The following SEMA6A variants were observed in gnomAD, a reference collection of about 807,000 sequenced individuals.
The protein encoded by SEMA6A is semaphorin-6A.
In SEMA6A, 25 loss-of-function variants were observed where a neutral mutation model predicts 96.8. The observed-to-expected ratio is 0.26, with a 90% CI of 0.19 to 0.36. The LOEUF is 0.36. Ranked by LOEUF, SEMA6A falls within the 10% of genes least tolerant of loss-of-function variation. SEMA6A has a pLI of 1.00. For synonymous variants in SEMA6A, 612 were observed against 518.0 expected, an observed-to-expected ratio of 1.18 and a Z score of -2.46; for missense variants, 1,363 against 1,323.1, an observed-to-expected ratio of 1.03 and a Z score of -0.47.
intron 11 of SEMA6A, 88 bp downstream of exon 11, chr5:116,482,356 G>T: frequency 7.1e-7 from 1 of 1,401,588 alleles, no homozygotes; most frequent in Non-Finnish European, 9.8e-7. Context: ...GAAGGCACTG[G>T]TGCGCAGTTC....
intron 1 of SEMA6A, among the ~76,000 whole-genome samples, chr5:116,525,275 T>C (rs1388311695): frequency 6.6e-6 from 1 of 152,138 alleles, no homozygotes; most frequent in Non-Finnish European, 1.5e-5. Context: ...TGAGTGGCCT[T>C]GGGTTATTTA....
Position 116,467,578 on chromosome 5 carries a change from C to T in SEMA6A, c.1894+5G>A, listed in dbSNP as rs1225350784. The T allele has an allele frequency of 1.9e-6, 3 of 1,611,784 alleles. No individual in the cohort carries two copies. In the African/African-American group the frequency reaches 4.0e-5, roughly 22 times the overall value. On this transcript the variant is annotated splice_donor_5th_base_variant and intron_variant, in intron 18 of 18. Transcript: ENST00000343348. The stretch of plus-strand genomic sequence containing the variant: ...CGAGAGGAAGAGGCATTTCCAAGGC[C>T]TTACCCTTCTTGTCTTGGTGATTAT...
At chr5:116,517,080 C>CAA (rs902917017) in intron 1 of SEMA6A, among the ~76,000 whole-genome samples, 1 of 152,106 alleles carries the variant, frequency 6.6e-6, no homozygotes, top group African/African-American at 2.4e-5. Flanking sequence ...ACAAACAAAA[C>CAA]AAAAACAAAC....
intron 1 of SEMA6A, among the ~76,000 whole-genome samples, chr5:116,524,306 T>C (rs1017051058): frequency 2.0e-5 from 3 of 152,166 alleles, no homozygotes; most frequent in Admixed American, 2.0e-4. Flanking sequence ...CTGGGAAATA[T>C]AAATTTTGAT....
At chr5:116,484,544 G>A (rs1380689070) in intron 10 of SEMA6A, among the ~76,000 whole-genome samples, 1 of 152,180 alleles carries the variant, frequency 6.6e-6, no homozygotes, top group South Asian at 2.1e-4. Context: ...AGAATTGCTT[G>A]AACAAGGAGG....
chr5:116,523,582 G>A (rs1759068855), intron 1 of SEMA6A, among the ~76,000 whole-genome samples: 1 of 152,066 alleles, frequency 6.6e-6, no homozygotes, highest in Admixed American at 6.5e-5. Context: ...AAAGTGTTGG[G>A]ATTACATGCA....
chr5:116,495,061 T>C (rs1228603672), intron 6 of SEMA6A, among the ~76,000 whole-genome samples: 1 of 152,072 alleles, frequency 6.6e-6, no homozygotes, highest in Non-Finnish European at 1.5e-5. Flanking sequence ...ACCATATAAG[T>C]GTGCTTTTGT....
chr5:116,566,848 A>T (rs1172342711), intron 1 of SEMA6A, among the ~76,000 whole-genome samples: 1 of 152,154 alleles, frequency 6.6e-6, no homozygotes, highest in Non-Finnish European at 1.5e-5. Flanking sequence ...AATTGATTTC[A>T]AGCTTGGCCA....
chr5:116,539,590 CGTGTGTGTGTGT>C (rs138539399), intron 1 of SEMA6A, among the ~76,000 whole-genome samples: 3 of 144,948 alleles, frequency 2.1e-5, no homozygotes, highest in African/African-American at 5.1e-5. Context: ...TAATTCTGTG[CGTGTGTGTGTGT>C]GTGTGTGTGT....
At chr5:116,565,075 C>T (rs1216579765) in intron 1 of SEMA6A, among the ~76,000 whole-genome samples, 7 of 152,312 alleles carry the variant, frequency 4.6e-5, no homozygotes, top group East Asian at 3.9e-4. Context: ...GAAGAGTTTG[C>T]GTCCCTTTGC....
chr5:116,452,362 A>C (rs2112590856), intron 18 of SEMA6A, among the ~76,000 whole-genome samples: 1 of 152,136 alleles, frequency 6.6e-6, no homozygotes, highest in African/African-American at 2.4e-5. Flanking sequence ...CCTGGCTTAG[A>C]GATTTCTCTG....
In SEMA6A at chr5:116,539,590, CGTGT is replaced by C. The variant is rs138539399; in HGVS notation, c.-39+34591_-39+34594del. Among the ~76,000 whole-genome samples, 181 of 144,922 alleles carry C rather than the reference CGTGT, an allele frequency of 1.2e-3. 1 individual carries two copies. Among genetic ancestry groups the C allele is most frequent in the East Asian group, 3.2e-3 (16 of 4,944 alleles). ...TGCAATACATTTTAATAATTCTGTG[CGTGT>C]GTGTGTGTGTGTGTGTGTGTGTGTA... is the stretch of plus-strand genomic sequence containing the variant. On this transcript the variant is annotated intron_variant, in intron 1 of 18. Coordinates refer to ENST00000343348, the MANE Select transcript of SEMA6A (RefSeq NM_020796.5).
intron 9 of SEMA6A, 127 bp from the exon 10 acceptor site, chr5:116,487,093 AAC>A: frequency 3.2e-6 from 2 of 626,506 alleles, no homozygotes; most frequent in Admixed American, 3.1e-5. Context: ...TAAAATCAGT[AAC>A]AAAAAAAAAA....
intron 1 of SEMA6A, chr5:116,508,033 T>C (rs1484596181): frequency 6.6e-6 from 1 of 152,084 alleles, no homozygotes; most frequent in Non-Finnish European, 1.5e-5. Flanking sequence ...TCACAATAAT[T>C]TTTCCCTACA....
chr5:116,524,789 G>GACACACACAGAC (rs1554090343), intron 1 of SEMA6A, among the ~76,000 whole-genome samples: 2 of 130,594 alleles, frequency 1.5e-5, no homozygotes, highest in African/African-American at 6.8e-5. Flanking sequence ...CACACACACA[G>GACACACACAGAC]ACACACACAC....
chr5:116,473,802 G>C (rs1756297533), intron 16 of SEMA6A, among the ~76,000 whole-genome samples: 1 of 152,180 alleles, frequency 6.6e-6, no homozygotes, highest in Admixed American at 6.5e-5. Flanking sequence ...TCATGCTTCA[G>C]CAGGAACACG....
chr5:116,480,588 T>C (rs1200691956), intron 11 of SEMA6A, among the ~76,000 whole-genome samples: 1 of 152,098 alleles, frequency 6.6e-6, no homozygotes, highest in African/African-American at 2.4e-5. Context: ...TGAGTGTGGT[T>C]TGCACATATC....
chr5:116,503,388 A>C (rs1291846416), intron 2 of SEMA6A, among the ~76,000 whole-genome samples: 1 of 152,136 alleles, frequency 6.6e-6, no homozygotes, highest in African/African-American at 2.4e-5. Context: ...TTTCCCTTCC[A>C]CTGCTTTGAA....
At chr5:116,463,035 A>G (rs1246799013) in intron 18 of SEMA6A, among the ~76,000 whole-genome samples, 1 of 152,248 alleles carries the variant, frequency 6.6e-6, no homozygotes, top group Non-Finnish European at 1.5e-5. Flanking sequence ...TGTAACCAGT[A>G]AAACAAAAAT....
Sources: gnomAD v4.1 joint callset for allele counts (sites outside exome capture counted in the v4.1 genomes callset) on GRCh38, gnomAD v4.1.1 for gene constraint, MANE v1.5 for transcripts, NCBI Gene and HGNC (gene_info 2026-07-23, HGNC 2026-07-21) for gene names.